The following CPLANE1 variants were observed in gnomAD, a reference collection of about 807,000 sequenced individuals.
The protein encoded by CPLANE1 is ciliogenesis and planar polarity effector complex subunit 1, also known as ciliogenesis and planar polarity effector 1.
Under a neutral mutation model 362.5 loss-of-function variants are expected in CPLANE1, and 263 were observed. That is an observed-to-expected ratio of 0.73 (90% confidence interval 0.66 to 0.80). The LOEUF is 0.80. Among genes scored for constraint, CPLANE1 ranks in the 30% least tolerant of loss-of-function variants. The pLI is 0.00. For synonymous variants in CPLANE1, 1,212 were observed against 1,302.6 expected, an observed-to-expected ratio of 0.93 and a Z score of 1.50; for missense variants, 3,461 against 3,793.4, an observed-to-expected ratio of 0.91 and a Z score of 2.30.
At chr5:37,215,069 G>A (rs896823486) in intron 15 of CPLANE1, among the ~76,000 whole-genome samples, 1 of 151,800 alleles carries the variant, frequency 6.6e-6, no homozygotes, top group Admixed American at 6.6e-5. Flanking sequence ...CTCTTTTTGA[G>A]ACAGAGTTTC....
In CPLANE1 at chr5:37,208,003, G is replaced by T. The variant is rs182527684; in HGVS notation, c.2921-1578C>A. 1.5e-3 allele frequency among the ~76,000 whole-genome samples: 228 copies of T among 152,174 alleles called. 2 individuals are homozygous for T. The highest frequency in any genetic ancestry group is 5.2e-3 in the African/African-American group (216 of 41,538). The stretch of plus-strand genomic sequence containing the variant: ...CAGTCTTGCTCTGTCATCCAAGCTG[G>T]AGTGTAATCACGTGATCTCACTGCA... On this transcript the variant is annotated intron_variant, in intron 16 of 52. Coordinates refer to ENST00000651892, the MANE Select transcript of CPLANE1 (RefSeq NM_001384732.1).
the CPLANE1 span, among the ~76,000 whole-genome samples, chr5:37,090,053 G>C: frequency 7.0e-4 from 107 of 152,210 alleles, 1 homozygote; most frequent in African/African-American, 2.6e-3. Context: ...TCCTCTCCTT[G>C]GAAATATCTT....
At chr5:37,079,196 A>C in the CPLANE1 span, among the ~76,000 whole-genome samples, 1 of 152,120 alleles carries the variant, frequency 6.6e-6, no homozygotes. Flanking sequence ...TTTTACATTT[A>C]AGTCTTTAAT....
chr5:37,236,864 G>A (rs1033564850), intron 8 of CPLANE1, among the ~76,000 whole-genome samples: 4 of 152,014 alleles, frequency 2.6e-5, no homozygotes, highest in South Asian at 4.2e-4. Context: ...AAACCACAAC[G>A]AGATAACATA....
Position 37,158,198 on chromosome 5 carries a change from T to C in CPLANE1, c.7812+26A>G, listed in dbSNP as rs779300721. On this transcript the variant is annotated intron_variant, in intron 39 of 52. Transcript: ENST00000651892. ...AATACATTTTAGCGCAAAGGTATTA[T>C]TAAAACTTCTGAATAAAACACAAAC... 8.7e-6 allele frequency: 14 copies of C among 1,610,834 alleles called. No individual in the cohort carries two copies. In the Admixed American group the frequency reaches 2.0e-4, roughly 23 times the overall value.
In CPLANE1 at chr5:37,248,614, G is replaced by A. The variant is rs193067255; in HGVS notation, c.-48+631C>T. Among the ~76,000 whole-genome samples the A allele has an allele frequency of 7.9e-5, 12 of 152,212 alleles. No individual in the cohort carries two copies. In the East Asian group the frequency reaches 1.9e-3, roughly 24 times the overall value. On this transcript the variant is annotated intron_variant, in intron 1 of 52. Coordinates refer to ENST00000651892, the MANE Select transcript of CPLANE1 (RefSeq NM_001384732.1). ...GTGAGCTGTGATTGTGCCTGTGAGA[G>A]CCACTGCACTCCAGCGTGGGCAACG...
Position 37,148,180 on chromosome 5 carries a change from CCTT to C in CPLANE1, c.8459_8461del (p.Glu2820del), listed in dbSNP as rs771898968. The C allele has an allele frequency of 2.5e-6, 4 of 1,611,288 alleles. No individual in the cohort carries two copies. In the African/African-American group the frequency reaches 5.3e-5, roughly 21 times the overall value. On this transcript the variant is annotated inframe_deletion and splice_region_variant, in exon 43 of 53. Transcript: ENST00000651892. Reference sequence around the variant, plus strand: ...GCCAGCCCCTATCAGCCCCTACAAACCTTCTTCAGAAATGCTAATGGTTTTTGA... The same window carrying C: ...GCCAGCCCCTATCAGCCCCTACAAACCTTCAGAAATGCTAATGGTTTTTGA...
At position 37,226,886 on chromosome 5, in the gene CPLANE1, T is replaced by C. The variant is rs1004607927; in HGVS notation, c.1709A>G (p.His570Arg). ...TGCAAGTAGACTTTTCTGGATAGAATGCAGTTCTGTAATGGTTCTATCTGT... is the reference window on the plus strand; with the variant it reads ...TGCAAGTAGACTTTTCTGGATAGAACGCAGTTCTGTAATGGTTCTATCTGT... The part of the protein sequence containing the change: ...EETDRTITEL[H>R]SIQKSLLAAW... Residue 570 changes from histidine (H) to arginine (R), a missense_variant, in exon 12 of 53, where the codon CAT (histidine) becomes CGT (arginine). Physicochemically the swap from His to Arg is conservative, Grantham distance 29 (BLOSUM62 0). This residue lies in a region of CPLANE1 where 3,380 missense variants were observed against 3,666.1 expected (regional missense o/e 0.92). Coordinates refer to ENST00000651892, the MANE Select transcript of CPLANE1 (RefSeq NM_001384732.1). 2 of 1,551,612 alleles carry C rather than the reference T, an allele frequency of 1.3e-6. No homozygotes were observed. Among genetic ancestry groups the C allele is most frequent in the African/African-American group, 2.7e-5 (2 of 73,176 alleles).
Position 37,182,810 on chromosome 5 carries a change from A to G in CPLANE1, c.5371T>C (p.Leu1791=), listed in dbSNP as rs1275089667. The G allele has an allele frequency of 6.2e-7, 1 of 1,613,758 alleles. No homozygotes were observed. The highest frequency in any genetic ancestry group is 8.5e-7 in the Non-Finnish European group (1 of 1,179,876). The change falls in exon 26 of 53, where the codon TTG becomes CTG. Residue 1791 remains leucine (L), a synonymous_variant. Transcript: ENST00000651892. ...TAAILTSLWL[L]EQPYFATYKA... The stretch of plus-strand genomic sequence containing the variant: ...TATGTAGCAAAATAGGGTTGTTCCA[A>G]AAGCCATAATGATGTAAGAATGGCA...
chr5:37,199,970 G>A (rs1788665037), intron 19 of CPLANE1, among the ~76,000 whole-genome samples: 1 of 152,172 alleles, frequency 6.6e-6, no homozygotes, highest in African/African-American at 2.4e-5. Context: ...ACTTCTCTTT[G>A]TCTCAATCAC....
intron 43 of CPLANE1, among the ~76,000 whole-genome samples, chr5:37,147,442 C>A (rs1307869418): frequency 1.3e-5 from 2 of 152,138 alleles, no homozygotes; most frequent in Non-Finnish European, 2.9e-5. Context: ...CTATGTAGAC[C>A]TGAACACCAC....
the CPLANE1 span, among the ~76,000 whole-genome samples, chr5:37,089,461 C>T: frequency 6.6e-6 from 1 of 152,076 alleles, no homozygotes; most frequent in East Asian, 1.9e-4. Context: ...GAACAGTGGC[C>T]TCTGAAGGGA....
chr5:37,210,446 C>A, intron 16 of CPLANE1: 1 of 1,049,176 alleles, frequency 9.5e-7, no homozygotes, highest in East Asian at 2.4e-5. Flanking sequence ...AGGACGACTA[C>A]ATCATTAGAA....
chr5:37,154,067 G>A (rs928127397), intron 41 of CPLANE1, 74 bp from the exon 42 acceptor site: 2 of 1,319,920 alleles, frequency 1.5e-6, no homozygotes, highest in Non-Finnish European at 2.1e-6. Flanking sequence ...CTCATTTTTT[G>A]ATGACTTCAT....
chr5:37,106,487 A>G lies in CPLANE1; in HGVS notation c.*1115T>C, dbSNP rs1757659302. 1 of 383,184 alleles carries G rather than the reference A, an allele frequency of 2.6e-6. No individual in the cohort carries two copies. Among genetic ancestry groups the G allele is most frequent in the Non-Finnish European group, 3.6e-6 (1 of 279,292 alleles). The allele number at this position is 383,184 out of a possible 1,614,324, so 23.7% of individuals were successfully genotyped here. A position where few individuals can be genotyped will look rare whatever the true frequency, so the allele number is the denominator to read the frequency against. ...TATCATGTATCAATAAAATACCCAT[A>G]GAATATACAAAAAAGAAACTAACAG... On this transcript the variant is annotated 3_prime_UTR_variant, in exon 53 of 53. Coordinates refer to ENST00000651892, the MANE Select transcript of CPLANE1 (RefSeq NM_001384732.1).
intron 5 of CPLANE1, 27 bp from the exon 6 acceptor site, chr5:37,243,146 T>C: frequency 7.7e-7 from 1 of 1,290,930 alleles, no homozygotes; most frequent in Non-Finnish European, 1.1e-6. Context: ...TATACTTTAG[T>C]ATAAAATTAA....
chr5:37,243,886 C>T (rs1254603741), intron 5 of CPLANE1, among the ~76,000 whole-genome samples: 1 of 148,104 alleles, frequency 6.8e-6, no homozygotes, highest in African/African-American at 2.5e-5. Flanking sequence ...GTTTCACTCT[C>T]GTTGCCCAGG....
chr5:37,168,880 C>T lies in CPLANE1; in HGVS notation c.7144G>A (p.Val2382Ile), dbSNP rs958703830. ...FPSTSRASIT[V>I]PSTPIQPIAE... ...ATAGGTTGGATAGGTGTTGAGGGAA[C>T]TGTAATAGATGCTCTTGAGGTTGAT... The change falls in exon 34 of 53, where the codon GTT (valine) becomes ATT (isoleucine). Residue 2382 changes from valine to isoleucine, a missense_variant. Around this residue, in one of 2 missense-constraint regions of CPLANE1, gnomAD observed 3,380 missense variants for 3,666.1 expected, o/e 0.92. Coordinates refer to ENST00000651892, the MANE Select transcript of CPLANE1 (RefSeq NM_001384732.1). The T allele has an allele frequency of 6.2e-7, 1 of 1,613,988 alleles. No homozygotes were observed. Among genetic ancestry groups the T allele is most frequent in the South Asian group, 1.1e-5 (1 of 91,080 alleles).
At chr5:37,207,026 T>A (rs1580731118) in intron 16 of CPLANE1, among the ~76,000 whole-genome samples, 1 of 152,246 alleles carries the variant, frequency 6.6e-6, no homozygotes, top group African/African-American at 2.4e-5. Context: ...AAAAGTGTGA[T>A]GTTCAGTAAT....
Sources: gnomAD v4.1 joint callset for allele counts (sites outside exome capture counted in the v4.1 genomes callset) on GRCh38, gnomAD v4.1.1 for gene constraint, gnomAD v4.1.1 regional missense constraint, MANE v1.5 for transcripts, NCBI Gene and HGNC (gene_info 2026-07-23, HGNC 2026-07-21) for gene names.